Variants in UGT1A9 observed in about 807,000 individuals in gnomAD.
UGT1A9 encodes the protein UDP-glucuronosyltransferase 1A9.
Under a neutral mutation model 45.0 loss-of-function variants are expected in UGT1A9, and 35 were observed. That is an observed-to-expected ratio of 0.78 (90% confidence interval 0.59 to 1.03). The LOEUF is 1.03. Ranked by LOEUF, UGT1A9 falls within the 50% of genes least tolerant of loss-of-function variation. The probability of loss-of-function intolerance (pLI) is 0.00; values close to 1 mark genes in which losing one functional copy is unlikely to be tolerated. For synonymous variants in UGT1A9, 278 were observed against 250.6 expected (o/e 1.11, Z -1.03); for missense variants, 687 against 666.6 (o/e 1.03, Z -0.34).
At position 233,773,226 on chromosome 2, in the gene UGT1A9, A is replaced by C. The variant is rs989910459; in HGVS notation, c.*667A>C. 2 of 152,382 alleles carry C rather than the reference A, an allele frequency of 1.3e-5. No homozygotes were observed. Among genetic ancestry groups the C allele is most frequent in the Non-Finnish European group, 2.9e-5 (2 of 68,036 alleles). 9.4% of individuals were successfully genotyped at this position (152,382 alleles called of 1,614,324 possible). ...ATAAAAACCCAAAATACAGCTATGA[A>C]GTGCTGGGCAAGTTTACTTTTTTTC... On this transcript the variant is annotated 3_prime_UTR_variant, in exon 5 of 5. Coordinates refer to ENST00000354728, the MANE Select transcript of UGT1A9 (RefSeq NM_021027.3).
chr2:233,704,835 A>AT, intron 1 of UGT1A9, among the ~76,000 whole-genome samples: 1 of 152,086 alleles, frequency 6.6e-6, no homozygotes, highest in Non-Finnish European at 1.5e-5. Context: ...TGCTTTTAAA[A>AT]TCAGTTAAGA....
intron 1 of UGT1A9, chr2:233,743,940 C>T: frequency 7.4e-7 from 1 of 1,353,480 alleles, no homozygotes; most frequent in Non-Finnish European, 9.9e-7. Context: ...AACGGCCCAC[C>T]AGGCACTGGC....
intron 1 of UGT1A9, among the ~76,000 whole-genome samples, chr2:233,724,109 G>A (rs1321159895): frequency 1.4e-4 from 16 of 113,960 alleles, no homozygotes; most frequent in East Asian, 4.5e-4. Flanking sequence ...AGGGGCGGCC[G>A]GGCAGAGGCG....
chr2:233,717,672 G>A (rs1559362720), intron 1 of UGT1A9: 4 of 421,080 alleles, frequency 9.5e-6, no homozygotes, highest in Admixed American at 2.5e-5. Flanking sequence ...GCAATCTTGC[G>A]AGCACATGTA....
chr2:233,739,043 G>A (rs1411881573), intron 1 of UGT1A9: 2 of 152,288 alleles, frequency 1.3e-5, no homozygotes, highest in African/African-American at 4.8e-5. Flanking sequence ...CCAAGGTAGA[G>A]CTCAGGCCAT....
chr2:233,767,641 T>G (rs941477411), intron 2 of UGT1A9, among the ~76,000 whole-genome samples: 5 of 152,170 alleles, frequency 3.3e-5, no homozygotes, highest in African/African-American at 1.2e-4. Flanking sequence ...TATCACAAAT[T>G]CACGTAGTGC....
chr2:233,729,973 A>C, intron 1 of UGT1A9: 1 of 1,614,080 alleles, frequency 6.2e-7, no homozygotes, highest in East Asian at 2.2e-5. Context: ...CAACTGTGCC[A>C]ACAGGAAGCC....
intron 1 of UGT1A9, among the ~76,000 whole-genome samples, chr2:233,727,779 C>T (rs1053796621): frequency 3.3e-5 from 5 of 152,220 alleles, no homozygotes; most frequent in East Asian, 1.9e-4. Flanking sequence ...CCCCAGTAGA[C>T]GCTTCCATTC....
chr2:233,720,572 T>C (rs2076872220), intron 1 of UGT1A9, among the ~76,000 whole-genome samples: 1 of 152,112 alleles, frequency 6.6e-6, no homozygotes, highest in Non-Finnish European at 1.5e-5. Context: ...ATCTATTCTT[T>C]TTCCAAAAAT....
chr2:233,713,704 T>G (rs778886685), intron 1 of UGT1A9: 2 of 1,613,920 alleles, frequency 1.2e-6, no homozygotes, highest in Middle Eastern at 1.7e-4. Context: ...GCCTCTGAGC[T>G]TTTTCAGAGA....
At chr2:233,760,370 G>A in intron 1 of UGT1A9, 1 of 1,614,148 alleles carries the variant, frequency 6.2e-7, no homozygotes, top group Non-Finnish European at 8.5e-7. Context: ...TCCCATGCTG[G>A]GAAGATACTG....
chr2:233,716,897 A>C lies in UGT1A9; in HGVS notation c.855+44108A>C, dbSNP rs1240550943. ...ATCTGTGCAGCCCAGACCCCTCCTCATCTCCAGACCCTGGAAGCTGATGCC... is the reference window on the plus strand; with the variant it reads ...ATCTGTGCAGCCCAGACCCCTCCTCCTCTCCAGACCCTGGAAGCTGATGCC... On this transcript the variant is annotated intron_variant, in intron 1 of 4. Transcript: ENST00000354728. 3.3e-5 allele frequency among the ~76,000 whole-genome samples: 5 copies of C among 151,990 alleles called. No individual in the cohort carries two copies. The East Asian group carries it at 9.6e-4, about 29-fold the overall frequency.
At chr2:233,687,613 G>C (rs373078469) in intron 1 of UGT1A9, among the ~76,000 whole-genome samples, 1 of 132,296 alleles carries the variant, frequency 7.6e-6, no homozygotes, top group Admixed American at 7.6e-5. Flanking sequence ...AAAAAGGAAA[G>C]AAAAAAAGGC....
At chr2:233,710,115 A>G (rs893125618) in intron 1 of UGT1A9, among the ~76,000 whole-genome samples, 1 of 152,072 alleles carries the variant, frequency 6.6e-6, no homozygotes, top group Non-Finnish European at 1.5e-5. Flanking sequence ...ATTCGTTTCT[A>G]TTTCCGAGTA....
At position 233,728,430 on chromosome 2, in the gene UGT1A9, A is replaced by G. The variant is rs531471868; in HGVS notation, c.856-38604A>G. Among the ~76,000 whole-genome samples, 89 of 152,228 alleles carry G rather than the reference A, an allele frequency of 5.8e-4. 1 individual carries two copies. The highest frequency in any genetic ancestry group is 2.0e-3 in the African/African-American group (84 of 41,542). ...TTTAGATAGCAGCACCTCTTCTTCC[A>G]TGGTGTATATGGAGAATCCTCAACA... On this transcript the variant is annotated intron_variant, in intron 1 of 4. Transcript: ENST00000354728.
intron 1 of UGT1A9, among the ~76,000 whole-genome samples, chr2:233,737,436 G>T (rs969816672): frequency 6.6e-6 from 1 of 152,186 alleles, no homozygotes; most frequent in African/African-American, 2.4e-5. Flanking sequence ...GGGTGGGAGT[G>T]TCCCGTTTTT....
chr2:233,694,081 G>C (rs984890530), intron 1 of UGT1A9, among the ~76,000 whole-genome samples: 2 of 152,200 alleles, frequency 1.3e-5, no homozygotes, highest in African/African-American at 4.8e-5. Context: ...TGCTTGGCAA[G>C]AGTAGGAGAT....
chr2:233,712,865 GGC>G, intron 1 of UGT1A9: 1 of 1,573,780 alleles, frequency 6.4e-7, no homozygotes, highest in Non-Finnish European at 8.6e-7. Flanking sequence ...ACTGGAGGAG[GGC>G]ACTCTGTCTT....
chr2:233,697,502 CTT>C (rs1212901051), intron 1 of UGT1A9, among the ~76,000 whole-genome samples: 2 of 142,302 alleles, frequency 1.4e-5, no homozygotes, highest in Non-Finnish European at 3.1e-5. Flanking sequence ...TTTTGTTTAT[CTT>C]TTTTTTTTTT....
Sources: allele counts gnomAD v4.1 joint callset (sites outside exome capture counted in the v4.1 genomes callset), GRCh38; gene constraint gnomAD v4.1.1; transcripts MANE v1.5; gene names NCBI Gene and HGNC (gene_info 2026-07-23, HGNC 2026-07-21).